TVP23A: variants seen among roughly 807,000 people sequenced by gnomAD.
TVP23A encodes trans-golgi network vesicle protein 23 homolog A, also known as Golgi apparatus membrane protein TVP23 homolog A.
Under a neutral mutation model 31.7 loss-of-function variants are expected in TVP23A, and 21 were observed. The observed-to-expected ratio is 0.66, with a 90% confidence interval of 0.47 to 0.95. The LOEUF is 0.95. TVP23A is among the 40% of genes least tolerant of loss of function. TVP23A has a pLI of 0.00. For synonymous variants in TVP23A, 104 were observed against 96.0 expected (o/e 1.08, Z -0.49); for missense variants, 279 against 255.6 (o/e 1.09, Z -0.62).
intron 2 of TVP23A, among the ~76,000 whole-genome samples, chr16:10,799,477 G>A (rs768823471): frequency 6.6e-4 from 100 of 152,262 alleles, no homozygotes; most frequent in African/African-American, 2.4e-3. Flanking sequence ...CGGATTACAG[G>A]TGCCTACTAC....
chr16:10,816,375 C>T (rs1047556578), intron 2 of TVP23A, among the ~76,000 whole-genome samples: 1 of 151,796 alleles, frequency 6.6e-6, no homozygotes, highest in Non-Finnish European at 1.5e-5. Context: ...ACTCTGTCGC[C>T]CAGACTGGAG....
chr16:10,767,430 G>A lies in TVP23A; in HGVS notation c.*1672C>T, dbSNP rs2031055995. The stretch of plus-strand genomic sequence containing the variant: ...AGACAAAGCAGCAGGCAGAATGTGT[G>A]TGTCATGTGCTCCCATTCGTATTTT... On this transcript the variant is annotated 3_prime_UTR_variant, in exon 8 of 8. Transcript: ENST00000299866. This position sits in a 1 kb window ranked among gnomAD's most constrained non-coding sequence, Gnocchi z 4.6. 2.5e-6 allele frequency: 1 copy of A among 400,206 alleles called. No homozygotes were observed. Among genetic ancestry groups the A allele is most frequent in the Non-Finnish European group, 4.4e-6 (1 of 227,408 alleles). 24.8% of individuals were successfully genotyped at this position (400,206 alleles called of 1,614,324 possible).
intron 2 of TVP23A, among the ~76,000 whole-genome samples, chr16:10,807,249 C>T (rs886885881): frequency 2.6e-5 from 4 of 152,056 alleles, no homozygotes; most frequent in African/African-American, 9.7e-5. Context: ...GCGTGGGTAC[C>T]AATTAGAGAT....
Position 10,761,654 on chromosome 16 carries a change from C to T in TVP23A, c.*207-86G>A. The T allele has an allele frequency of 4.8e-6, 5 of 1,042,304 alleles. No homozygotes were observed. In the East Asian group the frequency reaches 7.6e-5, roughly 16 times the overall value. 64.6% of individuals were successfully genotyped at this position (1,042,304 alleles called of 1,614,324 possible). On this transcript the variant is annotated intron_variant and NMD_transcript_variant, in intron 8 of 8. Coordinates refer to the TVP23A transcript ENST00000456096. ...CTTTAGGTGTTAAGGGTTCCACATT[C>T]AAACTAAGCCTTTTTTTTTTTTTTA... is the stretch of plus-strand genomic sequence containing the variant.
intron 2 of TVP23A, among the ~76,000 whole-genome samples, chr16:10,815,722 G>T (rs181014693): frequency 6.6e-6 from 1 of 152,150 alleles, no homozygotes; most frequent in African/African-American, 2.4e-5. Context: ...GGCAGGAGTG[G>T]GGTCCTGAAC....
intron 2 of TVP23A, among the ~76,000 whole-genome samples, chr16:10,787,316 A>G (rs980151623): frequency 6.6e-6 from 1 of 152,176 alleles, no homozygotes; most frequent in East Asian, 1.9e-4. Flanking sequence ...CTTTCCCAAT[A>G]AAGAGCAGCC....
intron 2 of TVP23A, 98 bp from the exon 3 acceptor site, chr16:10,775,194 G>A: frequency 1.3e-6 from 2 of 1,493,638 alleles, no homozygotes; most frequent in Non-Finnish European, 1.8e-6. Context: ...GTGTTAGCGT[G>A]GCTCAATGGA....
chr16:10,810,871 T>C (rs902055379), intron 2 of TVP23A, among the ~76,000 whole-genome samples: 2 of 152,222 alleles, frequency 1.3e-5, no homozygotes, highest in African/African-American at 4.8e-5. Context: ...CCGGCGTTCC[T>C]GGGCCTGCTG....
downstream of TVP23A, among the ~76,000 whole-genome samples, chr16:10,764,615 A>G (rs1323686178): frequency 6.9e-6 from 1 of 144,878 alleles, no homozygotes. Context: ...CTGCTGGAGT[A>G]TGTCAGTCTA....
chr16:10,773,124 T>TA (rs1271865941), intron 5 of TVP23A, among the ~76,000 whole-genome samples, 189 bp downstream of exon 5: 17 of 152,384 alleles, frequency 1.1e-4, no homozygotes, highest in Admixed American at 9.8e-4. Flanking sequence ...ATTATAGGCG[T>TA]AAGCCACCAT....
chr16:10,766,723 G>A lies in TVP23A; in HGVS notation c.*2379C>T, dbSNP rs149566275. The A allele has an allele frequency of 6.9e-5, 27 of 391,000 alleles. No individual in the cohort carries two copies. Among genetic ancestry groups the A allele is most frequent in the East Asian group, 6.5e-4 (18 of 27,584 alleles). The allele number at this position is 391,000 out of a possible 1,614,324, so 24.2% of individuals were successfully genotyped here. A position where few individuals can be genotyped will look rare whatever the true frequency, so the allele number is the denominator to read the frequency against. Reference sequence around the variant, plus strand: ...ATTGAAAATGAAAGTCAACTCCACGGTGTGGGAGGAGAACGGGCCTGAGAA... The same window carrying A: ...ATTGAAAATGAAAGTCAACTCCACGATGTGGGAGGAGAACGGGCCTGAGAA... On this transcript the variant is annotated 3_prime_UTR_variant, in exon 8 of 8. Transcript: ENST00000299866. The surrounding 1 kb of genome is among the most constrained non-coding windows in gnomAD (Gnocchi z 4.8).
chr16:10,760,965 G>C (rs941219199), downstream of TVP23A: 2 of 195,062 alleles, frequency 1.0e-5, no homozygotes, highest in South Asian at 9.8e-5. Flanking sequence ...TGGCTGGGAA[G>C]GCCCCAGGAA....
chr16:10,775,567 T>C, intron 2 of TVP23A: 6 of 1,006,666 alleles, frequency 6.0e-6, no homozygotes, highest in Non-Finnish European at 7.1e-6. Flanking sequence ...GGGAAACATG[T>C]GACCTGTGAA....
In TVP23A at chr16:10,777,060, C is replaced by G. The variant is rs2032078110; in HGVS notation, c.90-1964G>C. Among the ~76,000 whole-genome samples the G allele has an allele frequency of 6.6e-6, 1 of 152,144 alleles. No individual in the cohort carries two copies. The highest frequency in any genetic ancestry group is 2.4e-5 in the African/African-American group (1 of 41,416). On this transcript the variant is annotated intron_variant, in intron 2 of 7. Coordinates refer to ENST00000299866, the MANE Select transcript of TVP23A (RefSeq NM_001079512.4). This position sits in a 1 kb window ranked among gnomAD's most constrained non-coding sequence, Gnocchi z 4.5. ...TGCCTTAACCGTCCAGGAATGCAGC[C>G]CAGTAGGTCTCAGCCTCGTTTTACC...
intron 2 of TVP23A, among the ~76,000 whole-genome samples, chr16:10,782,259 C>T (rs2032473323): frequency 6.6e-6 from 1 of 152,096 alleles, no homozygotes; most frequent in Non-Finnish European, 1.5e-5. Context: ...ATCAGTACTT[C>T]CCAAAGCCCT....
In TVP23A at chr16:10,767,481, TGTGC is replaced by T. The variant is rs2031068878; in HGVS notation, c.*1617_*1620del. ...AGGTATATGAGAGTGTGTGTATGTG[TGTGC>T]GCACACATGCAAGTGTGCACATTTA... is the stretch of plus-strand genomic sequence containing the variant. On this transcript the variant is annotated 3_prime_UTR_variant, in exon 8 of 8. Transcript: ENST00000299866. This position sits in a 1 kb window ranked among gnomAD's most constrained non-coding sequence, Gnocchi z 4.6. 17 of 412,266 alleles carry T rather than the reference TGTGC, an allele frequency of 4.1e-5. No individual in the cohort carries two copies. The highest frequency in any genetic ancestry group is 6.4e-5 in the Non-Finnish European group (15 of 235,356). The allele number at this position is 412,266 out of a possible 1,614,324, so 25.5% of individuals were successfully genotyped here. A position where few individuals can be genotyped will look rare whatever the true frequency, so the allele number is the denominator to read the frequency against.
At chr16:10,774,241 G>GA (rs1331932924) in intron 3 of TVP23A, 113 bp from the exon 4 acceptor site, 11 of 686,752 alleles carry the variant, frequency 1.6e-5, no homozygotes, top group East Asian at 8.5e-5. Context: ...GGAGCAGGAA[G>GA]AAAAAAGGCC....
At chr16:10,812,981 G>A (rs544739103) in intron 2 of TVP23A, among the ~76,000 whole-genome samples, 8 of 151,878 alleles carry the variant, frequency 5.3e-5, no homozygotes, top group African/African-American at 1.9e-4. Context: ...TTTCCTCTGT[G>A]TGCCCAGCTC....
intron 2 of TVP23A, among the ~76,000 whole-genome samples, chr16:10,802,390 C>T (rs999074375): frequency 1.3e-5 from 2 of 151,798 alleles, no homozygotes; most frequent in Non-Finnish European, 2.9e-5. Flanking sequence ...AGTGATCCTC[C>T]TGCCTCAGCC....
Sources: gnomAD v4.1 joint callset for allele counts (sites outside exome capture counted in the v4.1 genomes callset) on GRCh38, gnomAD v4.1.1 for gene constraint, Gnocchi (gnomAD v3.1) non-coding constraint, MANE v1.5 for transcripts, NCBI Gene and HGNC (gene_info 2026-07-23, HGNC 2026-07-21) for gene names.